Variants in MYO3A observed in about 807,000 individuals in gnomAD.
The protein encoded by MYO3A is myosin-IIIa.
Under a neutral mutation model 192.7 loss-of-function variants are expected in MYO3A, and 180 were observed. That is an observed-to-expected ratio of 0.93 (90% CI 0.83 to 1.06). MYO3A has a LOEUF of 1.06. Ranked by LOEUF, MYO3A falls within the 50% of genes least tolerant of loss-of-function variation. MYO3A has a pLI of 0.00. For synonymous variants in MYO3A, 628 were observed against 645.3 expected, an observed-to-expected ratio of 0.97 and a Z score of 0.41; for missense variants, 1,896 against 1,905.0, an observed-to-expected ratio of 1.00 and a Z score of 0.09.
At chr10:26,071,336 C>CA (rs141659727) in intron 14 of MYO3A, among the ~76,000 whole-genome samples, 7 of 151,210 alleles carry the variant, frequency 4.6e-5, no homozygotes, top group South Asian at 2.1e-4. Flanking sequence ...TAGGCCCATA[C>CA]AAAAAAAAGA....
intron 34 of MYO3A, among the ~76,000 whole-genome samples, chr10:26,203,640 T>A (rs1288728858): frequency 6.6e-6 from 1 of 152,220 alleles, no homozygotes; most frequent in East Asian, 1.9e-4. Context: ...TATTTCATAC[T>A]TTAGGAATTT....
chr10:26,107,551 A>G (rs1226663996), intron 17 of MYO3A, among the ~76,000 whole-genome samples: 2 of 149,224 alleles, frequency 1.3e-5, no homozygotes, highest in African/African-American at 2.4e-5. Flanking sequence ...TTTGATATTG[A>G]GTCTTTAATT....
At chr10:26,170,937 C>G (rs1030542915) in intron 29 of MYO3A, among the ~76,000 whole-genome samples, 2 of 152,182 alleles carry the variant, frequency 1.3e-5, no homozygotes, top group Admixed American at 6.5e-5. Flanking sequence ...TCTTGTGAGC[C>G]CTCATGTCTG....
At chr10:26,045,432 G>A (rs75875335) in intron 10 of MYO3A, among the ~76,000 whole-genome samples, 9,238 of 150,852 alleles carry the variant, frequency 0.061, 365 homozygotes, top group Non-Finnish European at 0.088. Context: ...CATTATGTAT[G>A]TATGAAAACA....
At chr10:26,109,736 T>C (rs1838044115) in intron 17 of MYO3A, among the ~76,000 whole-genome samples, 1 of 152,176 alleles carries the variant, frequency 6.6e-6, no homozygotes. Flanking sequence ...GAAATTCAGA[T>C]TTGATGAAGA....
At chr10:25,939,438 T>C (rs748771344) in intron 2 of MYO3A, among the ~76,000 whole-genome samples, 9 of 152,042 alleles carry the variant, frequency 5.9e-5, no homozygotes, top group Non-Finnish European at 1.3e-4. Flanking sequence ...AATGTAAAAT[T>C]TGAGGCTATA....
At chr10:26,051,716 A>G (rs563853383) in intron 10 of MYO3A, among the ~76,000 whole-genome samples, 2 of 151,972 alleles carry the variant, frequency 1.3e-5, no homozygotes, top group South Asian at 4.1e-4. Context: ...TTTTTTGCCT[A>G]TTACAAGGTC....
In MYO3A at chr10:26,203,579, ATTCTCACCTTGC is replaced by A. The variant is rs560579118; in HGVS notation, c.4730+473_4730+484del. Among the ~76,000 whole-genome samples the A allele has an allele frequency of 7.5e-4, 115 of 152,318 alleles. No homozygotes were observed. In the East Asian group the frequency reaches 0.021, roughly 28 times the overall value. On this transcript the variant is annotated intron_variant, in intron 34 of 34. Transcript: ENST00000642920. Reference sequence around the variant, plus strand: ...AGAAAAATGCATATTTTGGACTTGAATTCTCACCTTGCCACCAACTTTCTGACATTAAGTAAA... The same window carrying A: ...AGAAAAATGCATATTTTGGACTTGAACACCAACTTTCTGACATTAAGTAAA...
chr10:26,183,416 A>G (rs906521642), intron 31 of MYO3A, among the ~76,000 whole-genome samples: 4 of 152,120 alleles, frequency 2.6e-5, no homozygotes, highest in Non-Finnish European at 5.9e-5. Context: ...CCAGCTACTC[A>G]GGAGGCTGAG....
chr10:26,086,714 G>A (rs1336580395), intron 14 of MYO3A, among the ~76,000 whole-genome samples: 1 of 152,048 alleles, frequency 6.6e-6, no homozygotes, highest in Non-Finnish European at 1.5e-5. Context: ...ACTTCTAGAA[G>A]TATCATTCTA....
intron 14 of MYO3A, among the ~76,000 whole-genome samples, chr10:26,082,505 G>T (rs1419546459): frequency 6.6e-6 from 1 of 152,064 alleles, no homozygotes; most frequent in African/African-American, 2.4e-5. Context: ...TTACAGGTAG[G>T]ATCATGTTAT....
At chr10:25,954,848 C>G in intron 3 of MYO3A, 26 bp from the exon 4 acceptor site, 1 of 1,605,470 alleles carries the variant, frequency 6.2e-7, no homozygotes, top group Middle Eastern at 1.8e-4. Flanking sequence ...TCTCACAGTT[C>G]TATTCTTATG....
At chr10:26,019,073 C>T (rs1842135940) in intron 7 of MYO3A, among the ~76,000 whole-genome samples, 1 of 151,986 alleles carries the variant, frequency 6.6e-6, no homozygotes, top group Non-Finnish European at 1.5e-5. Context: ...CAATCATCAT[C>T]ACAATCATCA....
intron 32 of MYO3A, among the ~76,000 whole-genome samples, chr10:26,198,334 G>A (rs1299718170): frequency 6.6e-6 from 1 of 152,224 alleles, no homozygotes; most frequent in Non-Finnish European, 1.5e-5. Flanking sequence ...CATTAGCGGA[G>A]TGCGCATGGC....
intron 14 of MYO3A, among the ~76,000 whole-genome samples, chr10:26,080,066 A>T (rs1315176455): frequency 6.6e-6 from 1 of 152,162 alleles, no homozygotes; most frequent in African/African-American, 2.4e-5. Flanking sequence ...TTGGATGTCT[A>T]GGTCTCTAGC....
intron 4 of MYO3A, among the ~76,000 whole-genome samples, chr10:25,974,822 T>C (rs140444240): frequency 1.3e-5 from 2 of 152,346 alleles, no homozygotes; most frequent in Non-Finnish European, 2.9e-5. Flanking sequence ...ACCACCATTC[T>C]GGAAACAAGA....
In MYO3A at chr10:26,157,177, A is replaced by G. The variant is rs1300361323; in HGVS notation, c.2794-133A>G. On this transcript the variant is annotated intron_variant, in intron 25 of 34. Coordinates refer to ENST00000642920, the MANE Select transcript of MYO3A (RefSeq NM_017433.5). ...TGTTCATTAAAACAGATTTTCCTCC[A>G]TTTACTGTGACTAATGGGAGCATTT... The G allele has an allele frequency of 1.0e-5, 8 of 792,234 alleles. No homozygotes were observed. In the Admixed American group the frequency reaches 1.8e-4, roughly 18 times the overall value. The allele number at this position is 792,234 out of a possible 1,614,324, so 49.1% of individuals were successfully genotyped here. A position where few individuals can be genotyped will look rare whatever the true frequency, so the allele number is the denominator to read the frequency against.
chr10:26,139,195 A>C (rs1201094055), intron 20 of MYO3A, among the ~76,000 whole-genome samples: 2 of 152,198 alleles, frequency 1.3e-5, no homozygotes, highest in Non-Finnish European at 2.9e-5. Flanking sequence ...AAAGAAATGC[A>C]AATACAATAG....
chr10:26,022,727 ACTGC>A (rs1305555313), intron 8 of MYO3A: 204 of 152,312 alleles, frequency 1.3e-3, no homozygotes, highest in African/African-American at 4.6e-3. Context: ...GAAGTTCTGT[ACTGC>A]CTTAGCTGTT....
Sources: gnomAD v4.1 joint callset for allele counts (sites outside exome capture counted in the v4.1 genomes callset) on GRCh38, gnomAD v4.1.1 for gene constraint, MANE v1.5 for transcripts, NCBI Gene and HGNC (gene_info 2026-07-23, HGNC 2026-07-21) for gene names.